BMERB1: variants seen among roughly 807,000 people sequenced by gnomAD.
BMERB1 encodes bMERB domain-containing protein 1.
In BMERB1, 12 loss-of-function variants were observed where a neutral mutation model predicts 23.6. The ratio of observed to expected loss-of-function variants is 0.51; its 90% CI spans 0.33 to 0.82. The LOEUF (loss-of-function observed/expected upper bound fraction) is 0.82. Ranked by LOEUF, BMERB1 falls within the 40% of genes least tolerant of loss-of-function variation. The probability of loss-of-function intolerance (pLI) is 0.03; values close to 1 mark genes in which losing one functional copy is unlikely to be tolerated. For synonymous variants in BMERB1, 122 were observed against 96.6 expected, an observed-to-expected ratio of 1.26 and a Z score of -1.54; for missense variants, 247 against 255.4, an observed-to-expected ratio of 0.97 and a Z score of 0.22.
chr16:15,497,788 T>C (rs2051488224), intron 1 of BMERB1, among the ~76,000 whole-genome samples: 1 of 152,178 alleles, frequency 6.6e-6, no homozygotes, highest in East Asian at 1.9e-4. Flanking sequence ...GATGGCGGGA[T>C]AATCCCCATT....
intron 2 of BMERB1, among the ~76,000 whole-genome samples, chr16:15,538,618 ACAAT>A (rs774114560): frequency 1.3e-4 from 20 of 152,330 alleles, no homozygotes; most frequent in African/African-American, 1.9e-4. Context: ...GGATCCTAGA[ACAAT>A]CAGAGTATTC....
In BMERB1 at chr16:15,535,251, T is replaced by G. The variant is rs2052013873; in HGVS notation, c.230+19823T>G. On this transcript the variant is annotated intron_variant, in intron 2 of 5. Coordinates refer to ENST00000300006, the MANE Select transcript of BMERB1 (RefSeq NM_033201.3). Reference sequence around the variant, plus strand: ...CTGTAGCTTCAGCTATTCTAGAGGCTGAGGTGGGAGGATTGCTTGAGCCCA... The same window carrying G: ...CTGTAGCTTCAGCTATTCTAGAGGCGGAGGTGGGAGGATTGCTTGAGCCCA... Among the ~76,000 whole-genome samples, 4 of 152,118 alleles carry G rather than the reference T, an allele frequency of 2.6e-5. No homozygotes were observed. The South Asian group carries it at 8.3e-4, about 31-fold the overall frequency.
chr16:15,581,977 C>G (rs2031024865), intron 4 of BMERB1, among the ~76,000 whole-genome samples: 2 of 152,358 alleles, frequency 1.3e-5, no homozygotes, highest in African/African-American at 2.4e-5. Context: ...GCAACTTGCT[C>G]TTTATTGTCT....
intron 1 of BMERB1, among the ~76,000 whole-genome samples, chr16:15,461,912 T>C (rs1440590481): frequency 6.6e-6 from 1 of 151,798 alleles, no homozygotes; most frequent in Non-Finnish European, 1.5e-5. Context: ...CCAGCCTGGG[T>C]AACAGGAAGA....
rs116236472 is a variant in BMERB1 at position 15,439,816 on chromosome 16, A to T, written c.106+5057A>T. Among the ~76,000 whole-genome samples the T allele has an allele frequency of 4.3e-3, 653 of 152,308 alleles. 7 individuals carry two copies. The highest frequency in any genetic ancestry group is 0.015 in the African/African-American group (612 of 41,564). ...CAAGGTGCCTTTTGAAAAAGCGCAG[A>T]GCTTTTCAGAAACACAGTTGTCTCT... On this transcript the variant is annotated intron_variant, in intron 1 of 5. Coordinates refer to ENST00000300006, the MANE Select transcript of BMERB1 (RefSeq NM_033201.3).
rs143445847 is a variant in BMERB1 at position 15,513,243 on chromosome 16, C to A, written c.107-2062C>A. On this transcript the variant is annotated intron_variant, in intron 1 of 5. Coordinates refer to ENST00000300006, the MANE Select transcript of BMERB1 (RefSeq NM_033201.3). ...AACGTTCTTCACTGGAACATTCTTA[C>A]GGTGAAAATAATTCTTACATTTTTT... Among the ~76,000 whole-genome samples the A allele has an allele frequency of 1.7e-3, 259 of 152,186 alleles. 7 individuals carry two copies. The East Asian group carries it at 0.041, about 24-fold the overall frequency.
intron 2 of BMERB1, among the ~76,000 whole-genome samples, chr16:15,549,958 T>G (rs989677876): frequency 6.6e-6 from 1 of 151,300 alleles, no homozygotes; most frequent in Non-Finnish European, 1.5e-5. Context: ...AAAAGCACGT[T>G]TTTTTTTTTG....
At chr16:15,569,540 A>G (rs960619055) in intron 3 of BMERB1, among the ~76,000 whole-genome samples, 7 of 152,210 alleles carry the variant, frequency 4.6e-5, no homozygotes, top group Admixed American at 2.6e-4. Flanking sequence ...TCATCAGGCC[A>G]CGCCTCCAAC....
At chr16:15,480,566 A>G (rs1021332087) in intron 1 of BMERB1, among the ~76,000 whole-genome samples, 8 of 132,994 alleles carry the variant, frequency 6.0e-5, no homozygotes, top group African/African-American at 2.0e-4. Flanking sequence ...TTTTTCTATT[A>G]TATATATTTA....
chr16:15,483,705 C>A (rs1305778856), intron 1 of BMERB1, among the ~76,000 whole-genome samples: 3 of 152,148 alleles, frequency 2.0e-5, no homozygotes, highest in African/African-American at 7.2e-5. Context: ...TGAGTCCCAG[C>A]TCTCTGCTGA....
chr16:15,520,641 G>A (rs921606375), intron 2 of BMERB1, among the ~76,000 whole-genome samples: 8 of 151,830 alleles, frequency 5.3e-5, no homozygotes, highest in African/African-American at 1.2e-4. Context: ...CCGCCACCAC[G>A]CCTGGCTAAC....
At chr16:15,583,381 C>T (rs1049952847) in intron 5 of BMERB1, 143 bp downstream of exon 5, 9 of 675,972 alleles carry the variant, frequency 1.3e-5, no homozygotes, top group Non-Finnish European at 2.1e-5. Context: ...AGTTCGAGAC[C>T]AGCCTGGTCA....
At chr16:15,449,238 T>A (rs1309491961) in intron 1 of BMERB1, among the ~76,000 whole-genome samples, 1 of 152,214 alleles carries the variant, frequency 6.6e-6, no homozygotes, top group Non-Finnish European at 1.5e-5. Flanking sequence ...CTATGGTCTT[T>A]GCAGCAACAT....
At chr16:15,543,220 C>T (rs911632878) in intron 2 of BMERB1, among the ~76,000 whole-genome samples, 1 of 152,044 alleles carries the variant, frequency 6.6e-6, no homozygotes, top group African/African-American at 2.4e-5. Flanking sequence ...AAACTCCTCT[C>T]GATGTTCAGA....
rs10163464 is a variant in BMERB1 at position 15,450,691 on chromosome 16, G to A, written c.106+15932G>A. On this transcript the variant is annotated intron_variant, in intron 1 of 5. Transcript: ENST00000300006. ...TTACCATGTTGTTGAGGCTGATCTC[G>A]AACTCCTGGGTTCACAGGATTCATC... Among the ~76,000 whole-genome samples the A allele has an allele frequency of 3.5e-3, 536 of 152,134 alleles. 4 individuals carry two copies. The highest frequency in any genetic ancestry group is 0.012 in the African/African-American group (506 of 41,504).
intron 2 of BMERB1, among the ~76,000 whole-genome samples, chr16:15,529,064 G>A (rs1359531080): frequency 2.0e-5 from 3 of 151,898 alleles, no homozygotes; most frequent in Non-Finnish European, 4.4e-5. Flanking sequence ...TAGCTCTGTC[G>A]CCCAGGCTGG....
chr16:15,581,300 C>G lies in BMERB1; in HGVS notation c.388C>G (p.Leu130Val). Reference protein sequence around the residue: ...IHKLVQKRDFLVDDAEVERLR... With the variant: ...IHKLVQKRDFVVDDAEVERLR... Reference sequence around the variant, plus strand: ...CAAACTGGTGCAGAAGAGAGACTTCCTGGTGGACGATGCGGAGGTCGAGCG... The same window carrying G: ...CAAACTGGTGCAGAAGAGAGACTTCGTGGTGGACGATGCGGAGGTCGAGCG... Residue 130 changes from leucine (L) to valine (V), a missense_variant, in exon 4 of 6, where the codon CTG (leucine) becomes GTG (valine). Physicochemically the swap from Leu to Val is conservative, Grantham distance 32 (BLOSUM62 1). Transcript: ENST00000300006. The G allele has an allele frequency of 6.2e-7, 1 of 1,614,094 alleles. No individual in the cohort carries two copies. Among genetic ancestry groups the G allele is most frequent in the Non-Finnish European group, 8.5e-7 (1 of 1,179,994 alleles).
rs1033868741 is a variant in BMERB1 at position 15,485,702 on chromosome 16, TC to T, written c.107-29596del. On this transcript the variant is annotated intron_variant, in intron 1 of 5. Transcript: ENST00000300006. ...TGGGGAAAGACATTTGTGGGTTTTT[TC>T]CCCCCCAGGCCAAAAAAAAAAAGCA... Among the ~76,000 whole-genome samples the T allele has an allele frequency of 1.9e-3, 273 of 144,598 alleles. 4 individuals carry two copies. The highest frequency in any genetic ancestry group is 8.0e-4 in the East Asian group (4 of 4,986). The allele number at this position is 144,598 out of a possible 152,430, so 94.9% of individuals were successfully genotyped here. A position where few individuals can be genotyped will look rare whatever the true frequency, so the allele number is the denominator to read the frequency against.
At chr16:15,454,591 G>A (rs1160178608) in intron 1 of BMERB1, among the ~76,000 whole-genome samples, 5 of 152,066 alleles carry the variant, frequency 3.3e-5, no homozygotes, top group African/African-American at 4.8e-5. Flanking sequence ...TCAGCAGTTC[G>A]AGACCAGCCT....
Sources: gnomAD v4.1 joint callset for allele counts (sites outside exome capture counted in the v4.1 genomes callset) on GRCh38, gnomAD v4.1.1 for gene constraint, MANE v1.5 for transcripts, NCBI Gene and HGNC (gene_info 2026-07-23, HGNC 2026-07-21) for gene names.